The following RRBP1 variants were observed in gnomAD, a reference collection of about 807,000 sequenced individuals.
RRBP1 encodes ribosome-binding protein 1.
A neutral mutation model predicts 165.2 loss-of-function variants in RRBP1; 94 were observed. The observed-to-expected ratio is 0.57, with a 90% CI of 0.48 to 0.68. The LOEUF (loss-of-function observed/expected upper bound fraction) is 0.68, where lower values mean the gene tolerates loss of function less well. Ranked by LOEUF, RRBP1 falls within the 30% of genes least tolerant of loss-of-function variation. RRBP1 has a pLI of 0.00. For synonymous variants in RRBP1, 680 were observed against 714.5 expected (o/e 0.95, Z 0.77); for missense variants, 1,676 against 1,763.0 (o/e 0.95, Z 0.88).
intron 21 of RRBP1, 91 bp downstream of exon 21, chr20:17,616,641 G>T: frequency 3.6e-6 from 3 of 826,374 alleles, no homozygotes; most frequent in Non-Finnish European, 5.8e-6. Context: ...GGCTGGAGCA[G>T]CCAGTGCGGG....
chr20:17,616,155 C>T lies in RRBP1; in HGVS notation c.3868-146G>A, dbSNP rs375990342. On this transcript the variant is annotated intron_variant, in intron 21 of 24. Transcript: ENST00000377813. Reference sequence around the variant, plus strand: ...TCCCCTCGTTGGGGAGAGGGCACCTCAGCCCCTGGTACAGACTTCGGTGTG... The same window carrying T: ...TCCCCTCGTTGGGGAGAGGGCACCTTAGCCCCTGGTACAGACTTCGGTGTG... The T allele has an allele frequency of 7.1e-4, 480 of 673,154 alleles. 2 individuals are homozygous for T. The African/African-American group carries it at 7.2e-3, about 10-fold the overall frequency. The allele number at this position is 673,154 out of a possible 1,614,324, so 41.7% of individuals were successfully genotyped here.
chr20:17,631,482 G>A (rs1243470322), intron 8 of RRBP1, among the ~76,000 whole-genome samples: 2 of 152,326 alleles, frequency 1.3e-5, no homozygotes, highest in South Asian at 2.1e-4. Flanking sequence ...TGGAAACCAC[G>A]GGCCTCCATC....
intron 2 of RRBP1, among the ~76,000 whole-genome samples, chr20:17,676,245 G>A (rs2037079916): frequency 6.6e-6 from 1 of 152,176 alleles, no homozygotes; most frequent in Non-Finnish European, 1.5e-5. Context: ...GTTTGGACCA[G>A]GGAGAAGGCA....
intron 5 of RRBP1, among the ~76,000 whole-genome samples, chr20:17,639,675 C>T (rs1318215587): frequency 6.6e-6 from 1 of 152,124 alleles, no homozygotes; most frequent in East Asian, 1.9e-4. Flanking sequence ...GGGCGGATCA[C>T]CTGAGGTCGG....
chr20:17,642,203 C>T (rs1471528652), intron 4 of RRBP1, among the ~76,000 whole-genome samples: 2 of 152,358 alleles, frequency 1.3e-5, no homozygotes, highest in East Asian at 3.9e-4. Flanking sequence ...CTCTGAGGGG[C>T]AGCTGGCCAC....
Position 17,660,410 on chromosome 20 carries a change from A to G in RRBP1, c.98T>C (p.Met33Thr). ...GGCTTCTTCATATGACGTTTCCTTC[A>G]TGGAGAAAGTCGACACCAGGAAGAT... ...IGIFLVSTFS[M>T]KETSYEEALA... The change falls in exon 3 of 25, where the codon ATG becomes ACG. Residue 33 changes from methionine to threonine, a missense_variant. By Grantham distance (81) the Met-to-Thr change is moderately conservative. This residue lies in a region of RRBP1 where 392 missense variants were observed against 382.5 expected (regional missense o/e 1.02). Coordinates refer to ENST00000377813, the MANE Select transcript of RRBP1 (RefSeq NM_001365613.2). The G allele has an allele frequency of 6.2e-7, 1 of 1,613,990 alleles. No homozygotes were observed. The highest frequency in any genetic ancestry group is 8.5e-7 in the Non-Finnish European group (1 of 1,180,004).
intron 2 of RRBP1, among the ~76,000 whole-genome samples, chr20:17,664,838 A>G (rs1322289945): frequency 6.6e-6 from 1 of 152,194 alleles, no homozygotes; most frequent in Non-Finnish European, 1.5e-5. Flanking sequence ...CAACCCCCAG[A>G]TCCATTTCCT....
In RRBP1 at chr20:17,625,745, C is replaced by A. The variant is rs1009384885; in HGVS notation, c.2964-143G>T. The A allele has an allele frequency of 3.2e-5, 21 of 659,198 alleles. No homozygotes were observed. In the Middle Eastern group the frequency reaches 7.5e-4, roughly 24 times the overall value. 40.8% of individuals were successfully genotyped at this position (659,198 alleles called of 1,614,324 possible). The stretch of plus-strand genomic sequence containing the variant: ...CGGTCCCTTCTGGCTGCCCCCACCT[C>A]ACCCAGCGTGAGCTCCCAGGGAAGC... On this transcript the variant is annotated intron_variant, in intron 11 of 24. Coordinates refer to ENST00000377813, the MANE Select transcript of RRBP1 (RefSeq NM_001365613.2).
chr20:17,635,505 G>T, intron 7 of RRBP1, 41 bp downstream of exon 7: 1 of 1,466,502 alleles, frequency 6.8e-7, no homozygotes, highest in Non-Finnish European at 9.4e-7. Flanking sequence ...CCTCGCTCCA[G>T]GGCCCTTGGG....
chr20:17,629,521 C>T (rs1027644812), intron 9 of RRBP1, among the ~76,000 whole-genome samples: 4 of 152,090 alleles, frequency 2.6e-5, no homozygotes, highest in African/African-American at 9.7e-5. Context: ...CCCATATGCC[C>T]TGCTCCCATG....
chr20:17,614,295 G>T, intron 24 of RRBP1, 75 bp from the exon 25 acceptor site: 2 of 1,451,190 alleles, frequency 1.4e-6, no homozygotes, highest in Non-Finnish European at 1.9e-6. Context: ...TCTACCCTGG[G>T]CCTTTAGTCC....
chr20:17,654,468 C>T (rs1470808364), intron 3 of RRBP1, among the ~76,000 whole-genome samples: 2 of 152,254 alleles, frequency 1.3e-5, no homozygotes, highest in East Asian at 1.9e-4. Flanking sequence ...AAGAAGTAGA[C>T]TGAATACATT....
chr20:17,618,754 C>G (rs1215749728), intron 19 of RRBP1, 75 bp from the exon 20 acceptor site: 7 of 1,175,034 alleles, frequency 6.0e-6, no homozygotes, highest in Non-Finnish European at 8.8e-6. Flanking sequence ...TGAGTTAGCG[C>G]CGAAACATAA....
At chr20:17,666,441 T>C (rs2036869594) in intron 2 of RRBP1, among the ~76,000 whole-genome samples, 1 of 152,268 alleles carries the variant, frequency 6.6e-6, no homozygotes, top group South Asian at 2.1e-4. Flanking sequence ...AGAATACCTT[T>C]TGTAAACTAC....
chr20:17,633,723 G>A (rs1340710169), intron 7 of RRBP1, 110 bp from the exon 8 acceptor site: 31 of 1,142,188 alleles, frequency 2.7e-5, no homozygotes, highest in Non-Finnish European at 3.7e-5. Flanking sequence ...AGTTGCCCAA[G>A]TCTTGAAGCC....
intron 3 of RRBP1, among the ~76,000 whole-genome samples, chr20:17,656,132 C>A (rs1177740788): frequency 1.3e-5 from 2 of 152,240 alleles, no homozygotes; most frequent in Non-Finnish European, 2.9e-5. Context: ...CATGGGAAAA[C>A]AGGCCTGAGA....
At chr20:17,617,533 C>T (rs950499169) in intron 20 of RRBP1, among the ~76,000 whole-genome samples, 3 of 152,236 alleles carry the variant, frequency 2.0e-5, no homozygotes, top group African/African-American at 4.8e-5. Context: ...ATGCAAATAA[C>T]GAACTGCACA....
At chr20:17,624,275 C>T (rs1285945905) in intron 13 of RRBP1, among the ~76,000 whole-genome samples, 3 of 152,204 alleles carry the variant, frequency 2.0e-5, no homozygotes, top group Non-Finnish European at 2.9e-5. Flanking sequence ...CCACTCTGTG[C>T]GCACTTAGTG....
Position 17,659,423 on chromosome 20 carries a change from G to C in RRBP1, c.1085C>G (p.Ala362Gly). ...AEGAQNQGKK[A>G]EGAQNQGKKA... ...CTTGCCCTGATTCTGGGCCCCCTCG[G>C]CCTTCTTGCCCTGATTCTGGGCCCC... The change falls in exon 3 of 25, where the codon GCC (alanine) becomes GGC (glycine). Residue 362 changes from alanine (A) to glycine (G), a missense_variant. Coordinates refer to ENST00000377813, the MANE Select transcript of RRBP1 (RefSeq NM_001365613.2). The C allele has an allele frequency of 6.6e-7, 1 of 1,511,168 alleles. No individual in the cohort carries two copies. 93.6% of individuals were successfully genotyped at this position (1,511,168 alleles called of 1,614,324 possible). A position where few individuals can be genotyped will look rare whatever the true frequency, so the allele number is the denominator to read the frequency against.
Sources: gnomAD v4.1 joint callset for allele counts (sites outside exome capture counted in the v4.1 genomes callset) on GRCh38, gnomAD v4.1.1 for gene constraint, gnomAD v4.1.1 regional missense constraint, MANE v1.5 for transcripts, NCBI Gene and HGNC (gene_info 2026-07-23, HGNC 2026-07-21) for gene names.